The following TLN2 variants were observed in gnomAD, a reference collection of about 807,000 sequenced individuals.
TLN2 encodes the protein talin 2, also known as talin-2.
In TLN2, 118 loss-of-function variants were observed where a neutral mutation model predicts 294.7. That is an observed-to-expected ratio of 0.40 (90% CI 0.34 to 0.47). The LOEUF (loss-of-function observed/expected upper bound fraction) is 0.47, where lower values mean the gene tolerates loss of function less well. Among genes scored for constraint, TLN2 ranks in the 20% least tolerant of loss-of-function variants. TLN2 has a pLI of 0.84. For missense variants in TLN2, 3,083 were observed against 3,282.2 expected, an observed-to-expected ratio of 0.94 and a Z score of 1.48; for synonymous variants, 1,431 against 1,304.5, an observed-to-expected ratio of 1.10 and a Z score of -2.09.
At chr15:62,433,957 C>CGGTTAAGTCAGAAAGTATGTT (rs2035156441) in intron 1 of TLN2, among the ~76,000 whole-genome samples, 1 of 152,140 alleles carries the variant, frequency 6.6e-6, no homozygotes, top group Admixed American at 6.5e-5. Flanking sequence ...CCACTGCACT[C>CGGTTAAGTCAGAAAGTATGTT]CAGCCTGGGT....
At chr15:62,670,708 T>G (rs939409235) in intron 9 of TLN2, among the ~76,000 whole-genome samples, 5 of 152,380 alleles carry the variant, frequency 3.3e-5, no homozygotes, top group African/African-American at 9.6e-5. Flanking sequence ...ATCCATTAGT[T>G]GATGGACTTT....
chr15:62,481,102 C>T (rs151242019), intron 1 of TLN2, among the ~76,000 whole-genome samples: 2 of 152,320 alleles, frequency 1.3e-5, no homozygotes, highest in Non-Finnish European at 2.9e-5. Context: ...ATAGAGACGT[C>T]TAATCACAAT....
chr15:62,639,795 C>T (rs886306672), intron 3 of TLN2, among the ~76,000 whole-genome samples: 5 of 152,156 alleles, frequency 3.3e-5, no homozygotes, highest in Non-Finnish European at 7.3e-5. Flanking sequence ...ATAACCAGGT[C>T]CCAGTGGGTT....
At chr15:62,839,850 A>AT (rs1346881072) in intron 58 of TLN2, among the ~76,000 whole-genome samples, 1 of 152,274 alleles carries the variant, frequency 6.6e-6, no homozygotes, top group African/African-American at 2.4e-5. Context: ...ACTGCATTCA[A>AT]TAACCCTGCC....
At chr15:62,623,079 C>T (rs1295799414) in intron 3 of TLN2, among the ~76,000 whole-genome samples, 1 of 152,220 alleles carries the variant, frequency 6.6e-6, no homozygotes, top group Non-Finnish European at 1.5e-5. Context: ...AGTGGATTTA[C>T]TTTGCTTAAT....
In TLN2 at chr15:62,642,389, G is replaced by A. The variant is rs116487958; in HGVS notation, c.-36-4886G>A. ...GTTTCACGCAGTCAAACTAGAAGAG[G>A]AAACCTGATCAGCAATCCTAACCTC... On this transcript the variant is annotated intron_variant, in intron 3 of 58. Coordinates refer to ENST00000636159, the MANE Select transcript of TLN2 (RefSeq NM_015059.3). Among the ~76,000 whole-genome samples, 1,409 of 152,300 alleles carry A rather than the reference G, an allele frequency of 9.3e-3. 23 individuals carry two copies. Among genetic ancestry groups the A allele is most frequent in the African/African-American group, 0.032 (1,349 of 41,558 alleles).
chr15:62,439,063 A>G (rs1808726487), intron 1 of TLN2, among the ~76,000 whole-genome samples: 1 of 152,206 alleles, frequency 6.6e-6, no homozygotes, highest in African/African-American at 2.4e-5. Flanking sequence ...TATATGCATT[A>G]TATGTTTATG....
intron 51 of TLN2, among the ~76,000 whole-genome samples, chr15:62,807,913 C>T (rs1430719312): frequency 6.6e-6 from 1 of 152,196 alleles, no homozygotes; most frequent in Admixed American, 6.5e-5. Context: ...TCTCCTGTAT[C>T]CCTCACCCCT....
chr15:62,425,558 T>C (rs1186830036), intron 1 of TLN2, among the ~76,000 whole-genome samples: 2 of 152,210 alleles, frequency 1.3e-5, no homozygotes, highest in Non-Finnish European at 2.9e-5. Context: ...CAGAGACCTT[T>C]ACCAAGAGGA....
Position 62,702,073 on chromosome 15 carries a change from G to A in TLN2, c.1778G>A (p.Gly593Asp), listed in dbSNP as rs749984081. 1 of 1,614,122 alleles carries A rather than the reference G, an allele frequency of 6.2e-7. No individual in the cohort carries two copies. Among genetic ancestry groups the A allele is most frequent in the African/African-American group, 1.3e-5 (1 of 74,936 alleles). The change falls in exon 18 of 59, where the codon GGT (glycine) becomes GAT (aspartate). Residue 593 changes from glycine (G) to aspartate (D), a missense_variant. Gly to Asp is a moderately conservative substitution (Grantham distance 94). Coordinates refer to ENST00000636159, the MANE Select transcript of TLN2 (RefSeq NM_015059.3). ...TCCAACCTGACGGAGATGTCCAAGGGTGTGAAGCTATTGGCCGCCCTCATG... is the reference window on the plus strand; with the variant it reads ...TCCAACCTGACGGAGATGTCCAAGGATGTGAAGCTATTGGCCGCCCTCATG... ...ISSNLTEMSK[G>D]VKLLAALMDD...
At chr15:62,472,748 C>A (rs2037551945) in intron 1 of TLN2, among the ~76,000 whole-genome samples, 1 of 152,218 alleles carries the variant, frequency 6.6e-6, no homozygotes, top group Admixed American at 6.5e-5. Flanking sequence ...TTGAGACACA[C>A]TGATCATGCC....
intron 1 of TLN2, among the ~76,000 whole-genome samples, chr15:62,535,757 G>A (rs2041313901): frequency 6.6e-6 from 1 of 152,086 alleles, no homozygotes; most frequent in African/African-American, 2.4e-5. Context: ...GTTTCACTAT[G>A]TTGGTCAGGC....
intron 28 of TLN2, chr15:62,734,008 T>G (rs1204551140): frequency 4.6e-5 from 7 of 152,204 alleles, no homozygotes; most frequent in Non-Finnish European, 1.0e-4. Flanking sequence ...TGGCCTTCTT[T>G]CGTCCTTTTG....
At chr15:62,580,842 C>T (rs1188818945) in intron 1 of TLN2, among the ~76,000 whole-genome samples, 2 of 76,866 alleles carry the variant, frequency 2.6e-5, no homozygotes, top group Non-Finnish European at 6.7e-5. Context: ...TTTTTCCTGC[C>T]TTCGCCCCGC....
chr15:62,526,995 A>G (rs1041939943), intron 1 of TLN2, among the ~76,000 whole-genome samples: 26 of 152,216 alleles, frequency 1.7e-4, no homozygotes, highest in African/African-American at 5.5e-4. Flanking sequence ...TATTTACAAT[A>G]TACATACATG....
intron 46 of TLN2, 117 bp from the exon 47 acceptor site, chr15:62,796,010 T>A: frequency 1.5e-6 from 2 of 1,325,250 alleles, no homozygotes; most frequent in Non-Finnish European, 2.1e-6. Context: ...CAGATGTGTG[T>A]TGTTAACCTC....
rs1567138812 is a variant in TLN2 at position 62,582,237 on chromosome 15, CACACACA to C, written c.-237-7449_-237-7443del. ...ACACACACACACACACACACACACACACACACACACATTCATGCCTGACCCATTCCTG... is the reference window on the plus strand; with the variant it reads ...ACACACACACACACACACACACACACCACATTCATGCCTGACCCATTCCTG... On this transcript the variant is annotated intron_variant, in intron 1 of 58. Coordinates refer to ENST00000636159, the MANE Select transcript of TLN2 (RefSeq NM_015059.3). Among the ~76,000 whole-genome samples the C allele has an allele frequency of 1.7e-3, 253 of 146,596 alleles. 3 individuals are homozygous for C. The highest frequency in any genetic ancestry group is 5.8e-3 in the African/African-American group (230 of 39,736).
At position 62,739,354 on chromosome 15, in the gene TLN2, C is replaced by G. The variant is rs771779031; in HGVS notation, c.3694C>G (p.Pro1232Ala). The G allele has an allele frequency of 6.2e-7, 1 of 1,613,132 alleles. No individual in the cohort carries two copies. The highest frequency in any genetic ancestry group is 8.5e-7 in the Non-Finnish European group (1 of 1,179,568). ...SKKLLVDSLP[P>A]STKPFQEAQS... Reference sequence around the variant, plus strand: ...TGCCGTCTGTTCCCCACAGCTACCTCCAAGCACGAAGCCTTTCCAGGAAGC... The same window carrying G: ...TGCCGTCTGTTCCCCACAGCTACCTGCAAGCACGAAGCCTTTCCAGGAAGC... Residue 1232 changes from proline to alanine, a missense_variant, in exon 31 of 59, where the codon CCA becomes GCA. By Grantham distance (27) the Pro-to-Ala change is conservative (BLOSUM62 -1). Coordinates refer to ENST00000636159, the MANE Select transcript of TLN2 (RefSeq NM_015059.3).
At chr15:62,834,787 C>G (rs558839632) in intron 55 of TLN2, 68 of 64,286 alleles carry the variant, frequency 1.1e-3, no homozygotes, top group African/African-American at 3.4e-3. Flanking sequence ...ACGGAATATC[C>G]TATGTTTAAA....
Sources: gnomAD v4.1 joint callset for allele counts (sites outside exome capture counted in the v4.1 genomes callset) on GRCh38, gnomAD v4.1.1 for gene constraint, MANE v1.5 for transcripts, NCBI Gene and HGNC (gene_info 2026-07-23, HGNC 2026-07-21) for gene names.